TTC5: variants seen among roughly 807,000 people sequenced by gnomAD.
TTC5 encodes tetratricopeptide repeat protein 5.
A neutral mutation model predicts 57.4 loss-of-function variants in TTC5; 46 were observed. The observed-to-expected ratio is 0.80, with a 90% confidence interval of 0.63 to 1.03. TTC5 has a LOEUF of 1.03. Among genes scored for constraint, TTC5 ranks in the 50% least tolerant of loss-of-function variants. The pLI, the probability that TTC5 is intolerant of heterozygous loss-of-function variation, is 0.00. For synonymous variants in TTC5, 190 were observed against 203.5 expected (o/e 0.93, Z 0.57); for missense variants, 504 against 528.1 (o/e 0.95, Z 0.45).
In TTC5 at chr14:20,295,773, G is replaced by A. The variant is rs762445998; in HGVS notation, c.778C>T (p.Pro260Ser). The change falls in exon 7 of 10, where the codon CCC becomes TCC. Residue 260 changes from proline to serine, a missense_variant. Transcript: ENST00000258821. ...AAALDPAWPE[P>S]RQREQQLLEF... ...AGAAGTTGTTGCTCTCGTTGCCGGG[G>A]CTCTGGCCAGGCAGGGTCCAGGGCT... 1.2e-6 allele frequency: 2 copies of A among 1,614,032 alleles called. No individual in the cohort carries two copies. Among genetic ancestry groups the A allele is most frequent in the Non-Finnish European group, 1.7e-6 (2 of 1,179,968 alleles).
Position 20,296,433 on chromosome 14 carries a change from C to T in TTC5, c.653G>A (p.Arg218Lys). 1.2e-6 allele frequency: 2 copies of T among 1,612,366 alleles called. No individual in the cohort carries two copies. The highest frequency in any genetic ancestry group is 1.7e-6 in the Non-Finnish European group (2 of 1,178,342). ...AAGGTCAGGATTGCTAGAAGCTTTT[C>T]TGTCAACTTTCTCCTATAATGGGAT... ...SAYAQAEKVD[R>K]KASSNPDLHL... The change falls in exon 6 of 10, where the codon AGA becomes AAA. Residue 218 changes from arginine to lysine, a missense_variant. Transcript: ENST00000258821.
chr14:20,292,630 A>G (rs1210803530), intron 8 of TTC5: 1 of 152,326 alleles, frequency 6.6e-6, no homozygotes, highest in African/African-American at 2.4e-5. Flanking sequence ...TAAGATACCA[A>G]TCCAGCTATG....
chr14:20,293,291 T>G (rs1364077175), intron 8 of TTC5: 1 of 152,204 alleles, frequency 6.6e-6, no homozygotes, highest in Non-Finnish European at 1.5e-5. Context: ...AAAATTTTTA[T>G]ACAAAATGTT....
chr14:20,304,981 A>AT (rs1246042029), intron 1 of TTC5, among the ~76,000 whole-genome samples: 1 of 152,172 alleles, frequency 6.6e-6, no homozygotes. Flanking sequence ...ACCTTTTCAG[A>AT]TTTTTTTCTG....
chr14:20,305,017 A>G (rs1376595750), intron 1 of TTC5, among the ~76,000 whole-genome samples: 1 of 152,248 alleles, frequency 6.6e-6, no homozygotes, highest in Non-Finnish European at 1.5e-5. Flanking sequence ...ATATACACAA[A>G]TAATGTTTCT....
At chr14:20,299,801 C>T (rs1882145095) in intron 3 of TTC5, among the ~76,000 whole-genome samples, 1 of 151,516 alleles carries the variant, frequency 6.6e-6, no homozygotes, top group Non-Finnish European at 1.5e-5. Context: ...GATCTGCCTG[C>T]CTCAGCCTCC....
chr14:20,300,143 G>GTATGTGTGTGTATATA (rs56828704), intron 3 of TTC5, among the ~76,000 whole-genome samples: 32 of 27,108 alleles, frequency 1.2e-3, no homozygotes, highest in Middle Eastern at 0.045. Context: ...TCTGGTCCAT[G>GTATGTGTGTGTATATA]TATATATATA....
At chr14:20,295,547 G>T (rs762286180) in intron 7 of TTC5, 21 bp from the exon 8 acceptor site, 3 of 1,600,658 alleles carry the variant, frequency 1.9e-6, no homozygotes, top group Non-Finnish European at 2.6e-6. Context: ...GGGGAAATAG[G>T]TAAGAAGCTG....
intron 6 of TTC5, among the ~76,000 whole-genome samples, chr14:20,296,122 T>C (rs917478150): frequency 6.6e-6 from 1 of 152,218 alleles, no homozygotes; most frequent in African/African-American, 2.4e-5. Context: ...ACTTGACCTT[T>C]ATATTTACTT....
intron 6 of TTC5, 126 bp from the exon 7 acceptor site, chr14:20,295,980 C>T: frequency 1.0e-6 from 1 of 957,584 alleles, no homozygotes; most frequent in Non-Finnish European, 1.5e-6. Flanking sequence ...TGTGCTGCAA[C>T]AAACAGCCTG....
intron 6 of TTC5, 150 bp downstream of exon 6, chr14:20,296,240 A>C (rs1882060076): frequency 1.4e-6 from 1 of 723,370 alleles, no homozygotes; most frequent in African/African-American, 1.8e-5. Context: ...CTGAAGCCAA[A>C]CCGAGCTAGC....
At chr14:20,292,672 T>G (rs147330686) in intron 8 of TTC5, 1 of 152,224 alleles carries the variant, frequency 6.6e-6, no homozygotes, top group Admixed American at 6.5e-5. Flanking sequence ...AGTCAGACAA[T>G]GAAGTCATCA....
chr14:20,291,089 TA>T (rs770357966), intron 9 of TTC5, among the ~76,000 whole-genome samples: 13 of 152,136 alleles, frequency 8.5e-5, no homozygotes, highest in Admixed American at 8.5e-4. Context: ...AGACTTTCTC[TA>T]TCACCCGGGC....
At chr14:20,290,593 G>C (rs183835113) in intron 9 of TTC5, among the ~76,000 whole-genome samples, 3 of 152,274 alleles carry the variant, frequency 2.0e-5, no homozygotes, top group South Asian at 4.1e-4. Flanking sequence ...TGTTGGTAGT[G>C]ACAACTAACT....
In TTC5 at chr14:20,300,669, C is replaced by T; in HGVS notation, c.334G>A (p.Val112Met). 1 of 1,614,146 alleles carries T rather than the reference C, an allele frequency of 6.2e-7. No homozygotes were observed. The highest frequency in any genetic ancestry group is 8.5e-7 in the Non-Finnish European group (1 of 1,180,022). The change falls in exon 3 of 10, where the codon GTG (valine) becomes ATG (methionine). Residue 112 changes from valine to methionine, a missense_variant. Val to Met is a conservative substitution (Grantham distance 21). Transcript: ENST00000258821. Reference sequence around the variant, plus strand: ...GCAACATCCCCTTTTTTCCAGTACACCTCACCCAGCTGGTTCCAGGCTTCC... The same window carrying T: ...GCAACATCCCCTTTTTTCCAGTACATCTCACCCAGCTGGTTCCAGGCTTCC... ...LVEAWNQLGE[V>M]YWKKGDVAAA...
At chr14:20,294,404 C>T (rs1176776282) in intron 8 of TTC5, 1 of 152,152 alleles carries the variant, frequency 6.6e-6, no homozygotes. Flanking sequence ...AAACTGTTCT[C>T]AACTATCTTT....
intron 9 of TTC5, among the ~76,000 whole-genome samples, chr14:20,291,683 T>C (rs923187241): frequency 6.6e-6 from 1 of 152,190 alleles, no homozygotes; most frequent in African/African-American, 2.4e-5. Context: ...TATGTGTATA[T>C]ATTTGTGAAA....
At chr14:20,291,875 C>G (rs1328685366) in intron 9 of TTC5, 108 bp downstream of exon 9, 2 of 960,244 alleles carry the variant, frequency 2.1e-6, no homozygotes, top group Admixed American at 3.9e-5. Flanking sequence ...ATACACATAG[C>G]CTACACACAT....
intron 5 of TTC5, among the ~76,000 whole-genome samples, chr14:20,296,840 C>T (rs986342048): frequency 5.3e-5 from 8 of 152,066 alleles, no homozygotes; most frequent in African/African-American, 1.4e-4. Flanking sequence ...TGGTGAAACA[C>T]TGTCTCTACT....
Sources: allele counts gnomAD v4.1 joint callset (sites outside exome capture counted in the v4.1 genomes callset), GRCh38; gene constraint gnomAD v4.1.1; transcripts MANE v1.5; gene names NCBI Gene and HGNC (gene_info 2026-07-23, HGNC 2026-07-21).